Variants in DST observed in about 807,000 individuals in gnomAD.
The protein encoded by DST is dystonin, also known as bullous pemphigoid antigen.
DST carries 253 observed loss-of-function variants against 875.2 expected under a neutral mutation model. The ratio of observed to expected loss-of-function variants is 0.29; its 90% CI spans 0.26 to 0.32. The LOEUF is 0.32. Among genes scored for constraint, DST ranks in the 10% least tolerant of loss-of-function variants. DST has a pLI of 1.00. For synonymous variants in DST, 3,124 were observed against 3,197.1 expected, an observed-to-expected ratio of 0.98 and a Z score of 0.77; for missense variants, 8,287 against 9,111.6, an observed-to-expected ratio of 0.91 and a Z score of 3.68.
chr6:56,652,213 A>G (rs922783709), intron 10 of DST, among the ~76,000 whole-genome samples: 4 of 152,204 alleles, frequency 2.6e-5, no homozygotes, highest in Admixed American at 2.0e-4. Flanking sequence ...CTCTATCTAC[A>G]TGAGAGAGGA....
chr6:56,954,332 C>G, intron 1 of DST, 75 bp downstream of exon 1: 1 of 1,154,544 alleles, frequency 8.7e-7, no homozygotes, highest in Non-Finnish European at 1.1e-6. Context: ...GAGAAGGGAG[C>G]GAGCCGCGCT....
At chr6:56,539,413 C>G (rs2097081367) in intron 61 of DST, among the ~76,000 whole-genome samples, 1 of 152,108 alleles carries the variant, frequency 6.6e-6, no homozygotes, top group South Asian at 2.1e-4. Flanking sequence ...AAAGGCATAA[C>G]TAACAAGAAC....
intron 4 of DST, among the ~76,000 whole-genome samples, chr6:56,765,802 GAGCTATGAC>G (rs1459497778): frequency 5.3e-5 from 8 of 152,182 alleles, no homozygotes; most frequent in Admixed American, 2.0e-4. Context: ...ATCAGGAATG[GAGCTATGAC>G]AGCCTTTTAT....
At chr6:56,778,872 G>T (rs1209725664) in intron 4 of DST, among the ~76,000 whole-genome samples, 2 of 152,064 alleles carry the variant, frequency 1.3e-5, no homozygotes, top group Non-Finnish European at 2.9e-5. Flanking sequence ...ACAGCAGCAT[G>T]ATTTATAATC....
chr6:56,897,633 C>T (rs750322486), intron 3 of DST, among the ~76,000 whole-genome samples: 16 of 152,134 alleles, frequency 1.1e-4, no homozygotes, highest in Middle Eastern at 3.4e-3. Flanking sequence ...GCTCGGCCAC[C>T]AGGTAGGTAT....
chr6:56,627,012 G>C (rs752936129), intron 34 of DST, among the ~76,000 whole-genome samples, 192 bp downstream of exon 34: 1 of 152,150 alleles, frequency 6.6e-6, no homozygotes, highest in African/African-American at 2.4e-5. Context: ...ACATATGTGA[G>C]AGAGAAGAAG....
chr6:56,532,338 A>G lies in DST; in HGVS notation c.17108+6T>C, dbSNP rs375166905. On this transcript the variant is annotated splice_donor_region_variant and intron_variant, in intron 64 of 103. Coordinates refer to ENST00000680361, the MANE Select transcript of DST (RefSeq NM_001374736.1). ...CTTTCAAAAGAACTGGAAGTATATA[A>G]GTTACCTTGTTTCAGCTTTATTAAG... 2.4e-5 allele frequency: 38 copies of G among 1,612,994 alleles called. No individual in the cohort carries two copies. The highest frequency in any genetic ancestry group is 3.1e-5 in the Non-Finnish European group (36 of 1,179,420).
rs1811693792 is a variant in DST, at chr6:56,934,246, C to T, written c.216+19539G>A. 3.3e-5 allele frequency among the ~76,000 whole-genome samples: 5 copies of T among 151,974 alleles called. No homozygotes were observed. The South Asian group carries it at 1.0e-3, about 31-fold the overall frequency. On this transcript the variant is annotated intron_variant, in intron 2 of 103. Transcript: ENST00000680361. ...TAAGATGGGATGCTAAAACAACAGA[C>T]TTAAACTCAAATTCTCCCCCTCCTC...
intron 47 of DST, 81 bp from the exon 48 acceptor site, chr6:56,594,274 G>A (rs531095835): frequency 8.4e-7 from 1 of 1,184,362 alleles, no homozygotes; most frequent in African/African-American, 1.5e-5. Context: ...CCTCAAGACT[G>A]ACAGGTTTCA....
rs1232573516 is a variant in DST, at chr6:56,758,879, T to G, written c.626-23590A>C. Among the ~76,000 whole-genome samples the G allele has an allele frequency of 5.3e-5, 8 of 152,194 alleles. No individual in the cohort carries two copies. The East Asian group carries it at 9.6e-4, about 18-fold the overall frequency. On this transcript the variant is annotated intron_variant, in intron 4 of 103. Transcript: ENST00000680361. ...CCATGAAAGTCATGTGGTATTCTACTGGTTACAAGAGAGCCAGGTGCCCAA... is the reference window on the plus strand; with the variant it reads ...CCATGAAAGTCATGTGGTATTCTACGGGTTACAAGAGAGCCAGGTGCCCAA...
At chr6:56,530,683 T>C (rs1030783792) in intron 64 of DST, among the ~76,000 whole-genome samples, 1 of 152,216 alleles carries the variant, frequency 6.6e-6, no homozygotes, top group Non-Finnish European at 1.5e-5. Flanking sequence ...AAAGCAATAT[T>C]AATATTTTAT....
chr6:56,800,864 C>T lies in DST; in HGVS notation c.625+50533G>A, dbSNP rs186664713. ...TGAAACCCCATCTCTCCAAAAAATA[C>T]AAAAAATTAGCCAGGCATGGTGGCA... On this transcript the variant is annotated intron_variant, in intron 4 of 103. Transcript: ENST00000680361. 3.4e-3 allele frequency among the ~76,000 whole-genome samples: 521 copies of T among 151,754 alleles called. 1 individual carries two copies. The highest frequency in any genetic ancestry group is 0.012 in the African/African-American group (489 of 41,394).
intron 47 of DST, among the ~76,000 whole-genome samples, chr6:56,595,874 C>T (rs2098371884): frequency 6.6e-6 from 1 of 151,538 alleles, no homozygotes; most frequent in African/African-American, 2.4e-5. Flanking sequence ...CTTCCTCCTA[C>T]AGATGAGGAC....
At chr6:56,624,447 G>A in intron 36 of DST, 83 bp downstream of exon 36, 1 of 868,248 alleles carries the variant, frequency 1.2e-6, no homozygotes, top group Non-Finnish European at 2.0e-6. Flanking sequence ...CATGAAACAT[G>A]TTTTGCTTTC....
rs555592619 is a variant in DST, at chr6:56,953,687, T to G, written c.216+98A>C. 4 of 858,886 alleles carry G rather than the reference T, an allele frequency of 4.7e-6. No homozygotes were observed. In the African/African-American group the frequency reaches 7.1e-5, roughly 15 times the overall value. The allele number at this position is 858,886 out of a possible 1,614,324, so 53.2% of individuals were successfully genotyped here. A position where few individuals can be genotyped will look rare whatever the true frequency, so the allele number is the denominator to read the frequency against. ...GGCTAGGGGACAGCATGTTCGTCAT[T>G]CAGTGTCCTACTGGTTTCTTAACAC... is the stretch of plus-strand genomic sequence containing the variant. On this transcript the variant is annotated intron_variant, in intron 2 of 103. Coordinates refer to ENST00000680361, the MANE Select transcript of DST (RefSeq NM_001374736.1).
chr6:56,822,576 G>A (rs1052704518), intron 4 of DST, among the ~76,000 whole-genome samples: 7 of 152,102 alleles, frequency 4.6e-5, no homozygotes, highest in Non-Finnish European at 7.4e-5. Context: ...GAAAGGAGTA[G>A]GCAGAATCAA....
At chr6:56,824,072 T>G (rs898094080) in intron 4 of DST, among the ~76,000 whole-genome samples, 2 of 152,270 alleles carry the variant, frequency 1.3e-5, no homozygotes, top group South Asian at 2.1e-4. Flanking sequence ...GAAGCTGGAC[T>G]GTACTGCTGC....
intron 49 of DST, among the ~76,000 whole-genome samples, chr6:56,591,974 T>C (rs1585938096): frequency 1.1e-5 from 1 of 95,184 alleles, no homozygotes; most frequent in South Asian, 3.6e-4. Context: ...GGAGTGAGAC[T>C]CCATCTCAAA....
rs746708808 is a variant in DST at position 56,552,230 on chromosome 6, A to G, written c.16562T>C (p.Val5521Ala). The change falls in exon 61 of 104, where the codon GTT (valine) becomes GCT (alanine). Residue 5521 changes from valine to alanine, a missense_variant. Coordinates refer to ENST00000680361, the MANE Select transcript of DST (RefSeq NM_001374736.1). The stretch of plus-strand genomic sequence containing the variant: ...ATTAATTGTCTCCGTTTCCATACCA[A>G]CAGGACCTTGTGACTCTTCATGTTC... ...AEEHEESQGP[V>A]GMETETINQQ... 4.3e-6 allele frequency: 7 copies of G among 1,613,822 alleles called. No homozygotes were observed. In the South Asian group the frequency reaches 7.7e-5, roughly 18 times the overall value.
Sources: allele counts gnomAD v4.1 joint callset (sites outside exome capture counted in the v4.1 genomes callset), GRCh38; gene constraint gnomAD v4.1.1; transcripts MANE v1.5; gene names NCBI Gene and HGNC (gene_info 2026-07-23, HGNC 2026-07-21).